CHRNA7: variants seen among roughly 807,000 people sequenced by gnomAD.
CHRNA7 encodes the protein cholinergic receptor nicotinic alpha 7 subunit, also known as neuronal acetylcholine receptor subunit alpha-7.
In CHRNA7, 17 loss-of-function variants were observed where a neutral mutation model predicts 48.0. That is an observed-to-expected ratio of 0.35 (90% CI 0.24 to 0.53). CHRNA7 has a LOEUF of 0.53. CHRNA7 is among the 20% of genes least tolerant of loss of function. The pLI is 0.92. For synonymous variants in CHRNA7, 75 were observed against 242.3 expected (o/e 0.31, Z 6.41); for missense variants, 155 against 577.7 (o/e 0.27, Z 7.50).
In CHRNA7 at chr15:32,030,652, A is replaced by G; in HGVS notation, c.55+3A>G. 1 of 1,576,706 alleles carries G rather than the reference A, an allele frequency of 6.3e-7. No homozygotes were observed. Among genetic ancestry groups the G allele is most frequent in the South Asian group, 1.2e-5 (1 of 86,310 alleles). On this transcript the variant is annotated splice_donor_region_variant and intron_variant, in intron 1 of 9. Coordinates refer to ENST00000306901, the MANE Select transcript of CHRNA7 (RefSeq NM_000746.6). ...GCTGGCCGCGTCGCTCCTGCACGGT[A>G]AAGCCACTGCCTCCCCGCCCTCCAC... is the stretch of plus-strand genomic sequence containing the variant.
chr15:32,144,583 G>A (rs1396469523), intron 4 of CHRNA7, among the ~76,000 whole-genome samples: 1 of 152,150 alleles, frequency 6.6e-6, no homozygotes, highest in South Asian at 2.1e-4. Flanking sequence ...TTGTCACATA[G>A]TCCCATATTT....
chr15:32,104,716 G>C (rs2050632973), intron 3 of CHRNA7, among the ~76,000 whole-genome samples: 1 of 152,136 alleles, frequency 6.6e-6, no homozygotes, highest in South Asian at 2.1e-4. Context: ...GAGGTGCTTG[G>C]GTAGCGTGAC....
Position 32,061,425 on chromosome 15 carries a change from C to T in CHRNA7, c.195+30388C>T, listed in dbSNP as rs1255231633. Among the ~76,000 whole-genome samples, 5 of 152,312 alleles carry T rather than the reference C, an allele frequency of 3.3e-5. No homozygotes were observed. The East Asian group carries it at 9.6e-4, about 29-fold the overall frequency. On this transcript the variant is annotated intron_variant, in intron 2 of 9. Coordinates refer to ENST00000306901, the MANE Select transcript of CHRNA7 (RefSeq NM_000746.6). Reference sequence around the variant, plus strand: ...TCAGAATTAACCTTTTGCACTCCCACAATACCGAAATACTTTACTTATTTA... The same window carrying T: ...TCAGAATTAACCTTTTGCACTCCCATAATACCGAAATACTTTACTTATTTA...
chr15:32,097,861 G>T (rs375388933), intron 2 of CHRNA7, among the ~76,000 whole-genome samples: 14 of 152,336 alleles, frequency 9.2e-5, no homozygotes, highest in South Asian at 6.2e-4. Context: ...CTGATTCATG[G>T]TTTCAGGCTC....
chr15:32,086,429 A>G (rs1389401979), intron 2 of CHRNA7, among the ~76,000 whole-genome samples: 1 of 151,478 alleles, frequency 6.6e-6, no homozygotes, highest in African/African-American at 2.4e-5. Flanking sequence ...TTTAACAGCT[A>G]TCTTTAAAGA....
chr15:32,059,048 G>C (rs1422295789), intron 2 of CHRNA7, among the ~76,000 whole-genome samples: 1 of 151,908 alleles, frequency 6.6e-6, no homozygotes, highest in East Asian at 1.9e-4. Context: ...CTGTTGCCCA[G>C]GCTGGAGTGC....
intron 2 of CHRNA7, among the ~76,000 whole-genome samples, chr15:32,048,915 A>G (rs1195913451): frequency 6.6e-6 from 1 of 150,902 alleles, no homozygotes; most frequent in Non-Finnish European, 1.5e-5. Context: ...TTCTGCCTTC[A>G]TTTCGTTATG....
chr15:32,107,401 A>T (rs1595454605), intron 3 of CHRNA7, among the ~76,000 whole-genome samples: 1 of 151,850 alleles, frequency 6.6e-6, no homozygotes. Flanking sequence ...TCAGGAAAAT[A>T]CTTTGCTTAC....
intron 3 of CHRNA7, among the ~76,000 whole-genome samples, chr15:32,109,501 A>G (rs1014661689): frequency 1.3e-5 from 2 of 152,152 alleles, no homozygotes; most frequent in African/African-American, 4.8e-5. Context: ...CCTATTTAAG[A>G]TGGAGTTTCC....
intron 2 of CHRNA7, among the ~76,000 whole-genome samples, chr15:32,075,307 A>C (rs1032543749): frequency 6.6e-6 from 1 of 152,200 alleles, no homozygotes; most frequent in Non-Finnish European, 1.5e-5. Context: ...TAAACATTTG[A>C]TACAGTGAAA....
intron 4 of CHRNA7, among the ~76,000 whole-genome samples, chr15:32,132,650 G>A (rs1310025230): frequency 6.6e-6 from 1 of 152,094 alleles, no homozygotes; most frequent in Admixed American, 6.5e-5. Context: ...TCCTTACATG[G>A]CAGAGAGAAA....
At chr15:32,103,278 T>TC (rs1595449029) in intron 3 of CHRNA7, 1 of 152,120 alleles carries the variant, frequency 6.6e-6, no homozygotes, top group East Asian at 1.9e-4. Flanking sequence ...GGTGTGGTGG[T>TC]GCACACCTGT....
chr15:32,117,556 G>A (rs998100744), intron 4 of CHRNA7, among the ~76,000 whole-genome samples: 1 of 152,190 alleles, frequency 6.6e-6, no homozygotes. Context: ...CAATATGGGT[G>A]GAAGGGAGAG....
chr15:32,128,841 A>T (rs927852158), intron 4 of CHRNA7, among the ~76,000 whole-genome samples: 9 of 151,864 alleles, frequency 5.9e-5, no homozygotes, highest in Non-Finnish European at 1.3e-4. Flanking sequence ...TTCTGATCTT[A>T]TGGCGAAAGC....
At chr15:32,110,218 A>T (rs2050740878) in intron 3 of CHRNA7, among the ~76,000 whole-genome samples, 1 of 152,124 alleles carries the variant, frequency 6.6e-6, no homozygotes, top group Non-Finnish European at 1.5e-5. Flanking sequence ...CAAGGGAGAG[A>T]AATGAAGGGA....
intron 3 of CHRNA7, among the ~76,000 whole-genome samples, chr15:32,105,355 AGAG>A (rs754201060): frequency 3.9e-5 from 6 of 152,108 alleles, no homozygotes; most frequent in Non-Finnish European, 8.8e-5. Flanking sequence ...AAGAAGGAAA[AGAG>A]GAGGAGAAGG....
In CHRNA7 at chr15:32,170,280, T is replaced by C. The variant is rs1232328280; in HGVS notation, c.*1822T>C. The C allele has an allele frequency of 7.4e-5, 9 of 121,540 alleles. No homozygotes were observed. The highest frequency in any genetic ancestry group is 1.4e-4 in the Non-Finnish European group (8 of 59,008). The allele number at this position is 121,540 out of a possible 1,614,324, so 7.5% of individuals were successfully genotyped here. On this transcript the variant is annotated 3_prime_UTR_variant, in exon 10 of 10. Transcript: ENST00000306901. ...TGCGGTGTGTGTGTGTGTGTAAGTG[T>C]GAGGTACCTTGTGTGTGACAAGAGA... is the stretch of plus-strand genomic sequence containing the variant.
chr15:32,114,112 A>G (rs1307257204), intron 4 of CHRNA7, among the ~76,000 whole-genome samples: 1 of 147,226 alleles, frequency 6.8e-6, no homozygotes, highest in Non-Finnish European at 1.5e-5. Flanking sequence ...ATACACACAC[A>G]CATACATACA....
intron 2 of CHRNA7, among the ~76,000 whole-genome samples, chr15:32,052,809 A>G (rs2049715112): frequency 6.6e-6 from 1 of 152,236 alleles, no homozygotes; most frequent in Admixed American, 6.5e-5. Context: ...CTAGTATTTA[A>G]TAGTATAGTA....
Sources: allele counts gnomAD v4.1 joint callset (sites outside exome capture counted in the v4.1 genomes callset), GRCh38; gene constraint gnomAD v4.1.1; transcripts MANE v1.5; gene names NCBI Gene and HGNC (gene_info 2026-07-23, HGNC 2026-07-21).